Variants in PDE6B observed in about 807,000 individuals in gnomAD.
PDE6B encodes the protein rod cGMP-specific 3',5'-cyclic phosphodiesterase subunit beta.
Under a neutral mutation model 109.0 loss-of-function variants are expected in PDE6B, and 106 were observed. The observed-to-expected ratio is 0.97, with a 90% CI of 0.83 to 1.14. PDE6B has a LOEUF of 1.14. Ranked by LOEUF, PDE6B falls within the 50% of genes most tolerant of loss-of-function variation. The pLI is 0.00. For missense variants in PDE6B, 1,193 were observed against 1,155.6 expected (o/e 1.03, Z -0.47); for synonymous variants, 490 against 471.3 (o/e 1.04, Z -0.51).
chr4:669,840 A>G (rs777286305), intron 21 of PDE6B, among the ~76,000 whole-genome samples: 1 of 152,076 alleles, frequency 6.6e-6, no homozygotes, highest in Non-Finnish European at 1.5e-5. Context: ...ATGGAAGGCC[A>G]GGATGAGCAT....
At chr4:664,007 C>T in intron 16 of PDE6B, 107 bp from the exon 17 acceptor site, 3 of 1,144,644 alleles carry the variant, frequency 2.6e-6, no homozygotes, top group Non-Finnish European at 4.0e-6. Context: ...GCCCCGCGCA[C>T]CCCGGATGGG....
intron 16 of PDE6B, 104 bp from the exon 17 acceptor site, chr4:664,010 C>G (rs1414600483): frequency 8.8e-7 from 1 of 1,139,798 alleles, no homozygotes; most frequent in East Asian, 2.4e-5. Flanking sequence ...CCGCGCACCC[C>G]GGATGGGGCC....
intron 3 of PDE6B, 120 bp from the exon 4 acceptor site, chr4:653,732 G>C: frequency 9.0e-7 from 1 of 1,109,856 alleles, no homozygotes; most frequent in South Asian, 1.3e-5. Context: ...CCACGGCTGG[G>C]CAGGTGGTCA....
rs781375358 is a variant in PDE6B at position 653,941 on chromosome 4, C to T, written c.801C>T (p.Tyr267=). 14 of 1,613,780 alleles carry T rather than the reference C, an allele frequency of 8.7e-6. 1 individual carries two copies. In the South Asian group the frequency reaches 1.3e-4, roughly 15 times the overall value. Residue 267 remains tyrosine (Y), a synonymous_variant, in exon 4 of 22, where the codon TAC becomes TAT. Coordinates refer to ENST00000496514, the MANE Select transcript of PDE6B (RefSeq NM_000283.4). ...FHKAFYTVRA[Y]LNCERYSVGL... ...AGGCCTTCTACACGGTGCGGGCCTA[C>T]CTCAACTGCGAGCGGTACTCCGTGG... is the stretch of plus-strand genomic sequence containing the variant.
chr4:633,621 G>A lies in PDE6B; in HGVS notation c.469-1056G>A, dbSNP rs1734497965. Among the ~76,000 whole-genome samples, 1 of 152,212 alleles carries A rather than the reference G, an allele frequency of 6.6e-6. No homozygotes were observed. The highest frequency in any genetic ancestry group is 1.5e-5 in the Non-Finnish European group (1 of 68,030). On this transcript the variant is annotated intron_variant, in intron 1 of 21. Transcript: ENST00000496514. The surrounding 1 kb of genome is among the most constrained non-coding windows in gnomAD (Gnocchi z 4.5). ...CCCATTCAGCTGGCGCAGTGGCTGAGGGCAGAGCCTGTTATTTTTGCCCCA... is the reference window on the plus strand; with the variant it reads ...CCCATTCAGCTGGCGCAGTGGCTGAAGGCAGAGCCTGTTATTTTTGCCCCA...
chr4:664,973 A>G, intron 18 of PDE6B, 29 bp downstream of exon 18: 1 of 1,554,868 alleles, frequency 6.4e-7, no homozygotes, highest in Non-Finnish European at 8.9e-7. Context: ...CCAGACCCAG[A>G]GTCAGTGCCT....
chr4:663,697 G>A lies in PDE6B; in HGVS notation c.1921-73G>A. 3.6e-6 allele frequency: 4 copies of A among 1,110,246 alleles called. No homozygotes were observed. Among genetic ancestry groups the A allele is most frequent in the Non-Finnish European group, 4.1e-6 (3 of 731,494 alleles). The allele number at this position is 1,110,246 out of a possible 1,614,324, so 68.8% of individuals were successfully genotyped here. ...GTGAGAGGCACAGGCAGCCGAGGCG[G>A]AAGGGGCGGGGTCCCCGGGCACCCT... On this transcript the variant is annotated intron_variant, in intron 15 of 21. Coordinates refer to ENST00000496514, the MANE Select transcript of PDE6B (RefSeq NM_000283.4). This position sits in a 1 kb window ranked among gnomAD's most constrained non-coding sequence, Gnocchi z 4.0.
rs538450282 is a variant in PDE6B, at chr4:640,849, C to G, written c.711+4880C>G. On this transcript the variant is annotated intron_variant, in intron 3 of 21. Coordinates refer to ENST00000496514, the MANE Select transcript of PDE6B (RefSeq NM_000283.4). Reference sequence around the variant, plus strand: ...CTCTTTTGTCAAAGATCACCTGGCTCTGTTGGTGAGTCTATTCCTGAGCTC... The same window carrying G: ...CTCTTTTGTCAAAGATCACCTGGCTGTGTTGGTGAGTCTATTCCTGAGCTC... Among the ~76,000 whole-genome samples the G allele has an allele frequency of 7.0e-4, 106 of 152,338 alleles. 1 individual carries two copies. Among genetic ancestry groups the G allele is most frequent in the African/African-American group, 2.3e-3 (95 of 41,568 alleles).
intron 3 of PDE6B, among the ~76,000 whole-genome samples, chr4:639,340 C>T (rs35935310): frequency 0.029 from 4,402 of 151,994 alleles, 64 homozygotes; most frequent in Middle Eastern, 0.041. Flanking sequence ...CAGGGTCTTG[C>T]TGTGTTGCCC....
At position 665,565 on chromosome 4, in the gene PDE6B, C is replaced by G. The variant is rs1737701456; in HGVS notation, c.2268+236C>G. Among the ~76,000 whole-genome samples the G allele has an allele frequency of 6.6e-6, 1 of 152,118 alleles. No homozygotes were observed. Among genetic ancestry groups the G allele is most frequent in the Non-Finnish European group, 1.5e-5 (1 of 68,014 alleles). On this transcript the variant is annotated intron_variant, in intron 19 of 21. Transcript: ENST00000496514. The surrounding 1 kb of genome is among the most constrained non-coding windows in gnomAD (Gnocchi z 4.0). ...GTCGTTGGCACTGGAGGAACCAGGG[C>G]CACCCGCTCATCACCAGGAGCCTCT...
rs1737460360 is a variant in PDE6B, at chr4:663,954, ACAGCCCGGGGGACG to A, written c.2021+91_2021+104del. 1 of 1,151,348 alleles carries A rather than the reference ACAGCCCGGGGGACG, an allele frequency of 8.7e-7. No homozygotes were observed. The highest frequency in any genetic ancestry group is 1.3e-6 in the Non-Finnish European group (1 of 795,708). 71.3% of individuals were successfully genotyped at this position (1,151,348 alleles called of 1,614,324 possible). A position where few individuals can be genotyped will look rare whatever the true frequency, so the allele number is the denominator to read the frequency against. On this transcript the variant is annotated intron_variant, in intron 16 of 21. Coordinates refer to ENST00000496514, the MANE Select transcript of PDE6B (RefSeq NM_000283.4). The surrounding 1 kb of genome is among the most constrained non-coding windows in gnomAD (Gnocchi z 4.0). The stretch of plus-strand genomic sequence containing the variant: ...GCAGACACGGGGGCGCAGCGGCGGC[ACAGCCCGGGGGACG>A]CAGCCCCGGATTCCGTCCCTGCCCG...
chr4:653,872 C>G lies in PDE6B; in HGVS notation c.732C>G (p.Asn244Lys). 6.2e-7 allele frequency: 1 copy of G among 1,613,794 alleles called. No individual in the cohort carries two copies. Among genetic ancestry groups the G allele is most frequent in the Non-Finnish European group, 8.5e-7 (1 of 1,180,018 alleles). ...TCCAGGTGCTGCTGTGGTCGGCCAA[C>G]AAGGTGTTTGAGGAGCTGACGGACA... ...RRGQVLLWSA[N>K]KVFEELTDIE... Residue 244 changes from asparagine to lysine, a missense_variant, in exon 4 of 22, where the codon AAC becomes AAG. Asn to Lys is a moderately conservative substitution (Grantham distance 94). Transcript: ENST00000496514.
rs1270342912 is a variant in PDE6B at position 626,563 on chromosome 4, G to A, written c.468+469G>A. Among the ~76,000 whole-genome samples, 1 of 152,326 alleles carries A rather than the reference G, an allele frequency of 6.6e-6. No individual in the cohort carries two copies. Among genetic ancestry groups the A allele is most frequent in the South Asian group, 2.1e-4 (1 of 4,824 alleles). On this transcript the variant is annotated intron_variant, in intron 1 of 21. Transcript: ENST00000496514. This position sits in a 1 kb window ranked among gnomAD's most constrained non-coding sequence, Gnocchi z 4.6. ...AAGGTGGTGCAGACGCCCACAGGGAGGGAGAGCCAGGGGAACCCCAAACTT... is the reference window on the plus strand; with the variant it reads ...AAGGTGGTGCAGACGCCCACAGGGAAGGAGAGCCAGGGGAACCCCAAACTT...
Position 657,367 on chromosome 4 carries a change from T to C in PDE6B, c.1274T>C (p.Leu425Pro), listed in dbSNP as rs1167974170. The C allele has an allele frequency of 1.2e-6, 2 of 1,613,102 alleles. No homozygotes were observed. The highest frequency in any genetic ancestry group is 1.7e-6 in the Non-Finnish European group (2 of 1,179,878). Residue 425 changes from leucine to proline, a missense_variant, in exon 10 of 22, where the codon CTG becomes CCG. By Grantham distance (98) the Leu-to-Pro change is moderately conservative (BLOSUM62 -3). Transcript: ENST00000496514. The stretch of plus-strand genomic sequence containing the variant: ...CCCCTCCAGTCCCTGACACAGTTCC[T>C]GGGCTGGTCAGTGATGAACACCGAC... ...EVLMESLTQF[L>P]GWSVMNTDTY...
At position 665,228 on chromosome 4, in the gene PDE6B, C is replaced by A. The variant is rs759867014; in HGVS notation, c.2194-27C>A. 6 of 1,580,240 alleles carry A rather than the reference C, an allele frequency of 3.8e-6. No homozygotes were observed. The East Asian group carries it at 6.7e-5, about 18-fold the overall frequency. ...CCTTCCGCGTGGGCTCAGAGCTCCACAGACAGCTGCCTTCCTGTGCCTCCA... is the reference window on the plus strand; with the variant it reads ...CCTTCCGCGTGGGCTCAGAGCTCCAAAGACAGCTGCCTTCCTGTGCCTCCA... On this transcript the variant is annotated intron_variant, in intron 18 of 21. Coordinates refer to ENST00000496514, the MANE Select transcript of PDE6B (RefSeq NM_000283.4). The surrounding 1 kb of genome is among the most constrained non-coding windows in gnomAD (Gnocchi z 4.0).
chr4:625,883 T>TC lies in PDE6B; in HGVS notation c.259dup (p.Leu87ProfsTer79), dbSNP rs1734069409. On this transcript the variant is annotated frameshift_variant, in exon 1 of 22. Coordinates refer to ENST00000496514, the MANE Select transcript of PDE6B (RefSeq NM_000283.4). LOFTEE classifies it high-confidence loss of function. This position sits in a 1 kb window ranked among gnomAD's most constrained non-coding sequence, Gnocchi z 5.0. ...AAGGTCCTGCGGCGCCTCTGCACCC[T>TC]CCTGCAGGCCGACCGCTGCAGCCTC... 1 of 1,606,568 alleles carries TC rather than the reference T, an allele frequency of 6.2e-7. No homozygotes were observed.
intron 6 of PDE6B, chr4:655,296 T>C: frequency 3.3e-6 from 1 of 302,772 alleles, no homozygotes; most frequent in South Asian, 3.3e-5. Context: ...CCCGTGGGGC[T>C]GGAAGAGGAG....
At chr4:634,619 GCGGGCTCCAGGCCCA>G (rs1157933752) in intron 1 of PDE6B, 43 bp from the exon 2 acceptor site, 2 of 1,424,228 alleles carry the variant, frequency 1.4e-6, no homozygotes, top group African/African-American at 2.8e-5. Context: ...CCCCAGTGGT[GCGGGCTCCAGGCCCA>G]CGGTGCGACA....
Position 652,537 on chromosome 4 carries a change from A to G in PDE6B, c.712-1315A>G, listed in dbSNP as rs868523938. On this transcript the variant is annotated intron_variant, in intron 3 of 21. Coordinates refer to ENST00000496514, the MANE Select transcript of PDE6B (RefSeq NM_000283.4). ...GGCGGCCACCACTGCCGTTAACCAC[A>G]GTACACAGGGTGCTCGGTAAGTGCA... The G allele has an allele frequency of 1.2e-4, 120 of 975,144 alleles. No homozygotes were observed. In the Middle Eastern group the frequency reaches 3.7e-3, roughly 30 times the overall value. The allele number at this position is 975,144 out of a possible 1,614,324, so 60.4% of individuals were successfully genotyped here.
Sources: gnomAD v4.1 joint callset for allele counts (sites outside exome capture counted in the v4.1 genomes callset) on GRCh38, gnomAD v4.1.1 for gene constraint, Gnocchi (gnomAD v3.1) non-coding constraint, MANE v1.5 for transcripts, NCBI Gene and HGNC (gene_info 2026-07-23, HGNC 2026-07-21) for gene names.